The following SKAP1 variants were observed in gnomAD, a reference collection of about 807,000 sequenced individuals.
The protein encoded by SKAP1 is src kinase-associated phosphoprotein 1.
SKAP1 carries 44 observed loss-of-function variants against 58.5 expected under a neutral mutation model. The observed-to-expected ratio is 0.75, with a 90% CI of 0.59 to 0.97. The LOEUF (loss-of-function observed/expected upper bound fraction) is 0.97, where lower values mean the gene tolerates loss of function less well. Ranked by LOEUF, SKAP1 falls within the 50% of genes least tolerant of loss-of-function variation. SKAP1 has a pLI of 0.00. For synonymous variants in SKAP1, 127 were observed against 149.7 expected (o/e 0.85, Z 1.11); for missense variants, 390 against 435.2 (o/e 0.90, Z 0.92).
At chr17:48,292,499 A>G (rs2065910865) in intron 4 of SKAP1, among the ~76,000 whole-genome samples, 1 of 152,226 alleles carries the variant, frequency 6.6e-6, no homozygotes, top group South Asian at 2.1e-4. Context: ...GAAAAAATAC[A>G]TATTTTAAGA....
At chr17:48,381,490 G>T (rs1467307325) in intron 2 of SKAP1, among the ~76,000 whole-genome samples, 2 of 152,172 alleles carry the variant, frequency 1.3e-5, no homozygotes, top group South Asian at 4.1e-4. Flanking sequence ...CATCCATGAA[G>T]GCTTCTCAAG....
chr17:48,364,563 T>TA (rs2066978727), intron 2 of SKAP1, among the ~76,000 whole-genome samples: 1 of 152,120 alleles, frequency 6.6e-6, no homozygotes, highest in South Asian at 2.1e-4. Context: ...TAATCCCAGC[T>TA]ACTCAGGAGG....
Position 48,170,676 on chromosome 17 carries a change from T to G in SKAP1, c.827-17A>C. ...GCTCTTCATCTGGGGGGATAAATGA[T>G]CAGTATTAGCAATTAGTGGTTCACA... On this transcript the variant is annotated splice_polypyrimidine_tract_variant and intron_variant, in intron 9 of 12. Transcript: ENST00000336915. The G allele has an allele frequency of 6.2e-7, 1 of 1,608,436 alleles. No individual in the cohort carries two copies. The highest frequency in any genetic ancestry group is 8.5e-7 in the Non-Finnish European group (1 of 1,175,620).
At chr17:48,139,303 T>C (rs1567788420) in intron 11 of SKAP1, among the ~76,000 whole-genome samples, 1 of 106,484 alleles carries the variant, frequency 9.4e-6, no homozygotes, top group Non-Finnish European at 2.2e-5. Context: ...TGCTTCAGCC[T>C]CCTGAGTAGC....
chr17:48,285,087 C>T (rs1402359669), intron 4 of SKAP1, among the ~76,000 whole-genome samples: 1 of 152,188 alleles, frequency 6.6e-6, no homozygotes, highest in Non-Finnish European at 1.5e-5. Flanking sequence ...GATTTTGGTG[C>T]ATTTACTCTC....
chr17:48,140,856 G>T (rs901513630), intron 11 of SKAP1, among the ~76,000 whole-genome samples: 1 of 150,434 alleles, frequency 6.6e-6, no homozygotes, highest in African/African-American at 2.5e-5. Context: ...TCATGATCTC[G>T]GCTGACCACG....
chr17:48,330,665 C>T (rs1339385163), intron 4 of SKAP1, among the ~76,000 whole-genome samples: 1 of 152,180 alleles, frequency 6.6e-6, no homozygotes, highest in Non-Finnish European at 1.5e-5. Flanking sequence ...AGTTGGCACA[C>T]CCTAAGTGAC....
At chr17:48,426,077 C>T (rs568947771) in intron 1 of SKAP1, among the ~76,000 whole-genome samples, 1 of 152,286 alleles carries the variant, frequency 6.6e-6, no homozygotes, top group African/African-American at 2.4e-5. Flanking sequence ...AGAATCTCCT[C>T]AGCTATCCAG....
chr17:48,409,567 G>C (rs895744962), intron 1 of SKAP1, among the ~76,000 whole-genome samples: 1 of 151,860 alleles, frequency 6.6e-6, no homozygotes, highest in African/African-American at 2.4e-5. Context: ...TACTAGGGAG[G>C]CTGAGGTGGA....
chr17:48,328,343 C>A (rs1354131298), intron 4 of SKAP1, among the ~76,000 whole-genome samples: 3 of 152,166 alleles, frequency 2.0e-5, no homozygotes, highest in African/African-American at 4.8e-5. Flanking sequence ...TTGGAAAAAT[C>A]TATCTCTTGA....
At chr17:48,330,681 AT>A (rs1400253194) in intron 4 of SKAP1, among the ~76,000 whole-genome samples, 1 of 152,236 alleles carries the variant, frequency 6.6e-6, no homozygotes, top group East Asian at 1.9e-4. Context: ...GTGACAGCAC[AT>A]TTCAAGAAGC....
At chr17:48,136,778 G>A (rs572826979) in intron 12 of SKAP1, among the ~76,000 whole-genome samples, 192 of 150,450 alleles carry the variant, frequency 1.3e-3, no homozygotes, top group African/African-American at 4.5e-3. Context: ...GGGTTCAAGC[G>A]ATTCTCCCCA....
intron 1 of SKAP1, among the ~76,000 whole-genome samples, chr17:48,405,446 TTTCTTTTC>T (rs1567902204): frequency 1.7e-5 from 1 of 59,282 alleles, no homozygotes; most frequent in Admixed American, 1.7e-4. Context: ...TCTTTCTTTC[TTTCTTTTC>T]TTTCTTTCTT....
chr17:48,297,032 T>A (rs148632386), intron 4 of SKAP1, among the ~76,000 whole-genome samples: 145 of 152,056 alleles, frequency 9.5e-4, no homozygotes, highest in African/African-American at 3.4e-3. Flanking sequence ...TTTCTAGATT[T>A]AAAAAAAATC....
Position 48,233,285 on chromosome 17 carries a change from T to C in SKAP1, c.281-43785A>G, listed in dbSNP as rs1189017597. ...AAAATTAAATGGGGCTACTTTGCAATGGGTTTCAATGTTCAGTTGAGATTA... is the reference window on the plus strand; with the variant it reads ...AAAATTAAATGGGGCTACTTTGCAACGGGTTTCAATGTTCAGTTGAGATTA... On this transcript the variant is annotated intron_variant, in intron 4 of 12. Coordinates refer to ENST00000336915, the MANE Select transcript of SKAP1 (RefSeq NM_003726.4). Among the ~76,000 whole-genome samples, 5 of 152,132 alleles carry C rather than the reference T, an allele frequency of 3.3e-5. 1 individual carries two copies. The highest frequency in any genetic ancestry group is 4.1e-4 in the South Asian group (2 of 4,830).
At chr17:48,401,714 T>C (rs2144549383) in intron 1 of SKAP1, among the ~76,000 whole-genome samples, 1 of 151,842 alleles carries the variant, frequency 6.6e-6, no homozygotes, top group African/African-American at 2.4e-5. Flanking sequence ...GATTAGGTAA[T>C]GGTTTCTTAG....
At chr17:48,253,432 A>G (rs1276637764) in intron 4 of SKAP1, among the ~76,000 whole-genome samples, 1 of 152,192 alleles carries the variant, frequency 6.6e-6, no homozygotes, top group African/African-American at 2.4e-5. Context: ...AACAATCCAC[A>G]CTACTCTTGA....
At chr17:48,209,218 T>C (rs1012719566) in intron 4 of SKAP1, among the ~76,000 whole-genome samples, 2 of 152,190 alleles carry the variant, frequency 1.3e-5, no homozygotes, top group African/African-American at 2.4e-5. Flanking sequence ...AAAACTTAAG[T>C]ACTGCTACAC....
chr17:48,436,308 G>C, the SKAP1 span, among the ~76,000 whole-genome samples: 1 of 152,130 alleles, frequency 6.6e-6, no homozygotes, highest in Non-Finnish European at 1.5e-5. Context: ...CTTACCTCAG[G>C]TGATCTGTCC....
Sources: gnomAD v4.1 joint callset for allele counts (sites outside exome capture counted in the v4.1 genomes callset) on GRCh38, gnomAD v4.1.1 for gene constraint, MANE v1.5 for transcripts, NCBI Gene and HGNC (gene_info 2026-07-23, HGNC 2026-07-21) for gene names.